Variants in FAT3 observed in about 807,000 individuals in gnomAD.
FAT3 encodes the protein FAT atypical cadherin 3, also known as protocadherin Fat 3.
A neutral mutation model predicts 310.2 loss-of-function variants in FAT3; 95 were observed. That is an observed-to-expected ratio of 0.31 (90% confidence interval 0.26 to 0.36). FAT3 has a LOEUF of 0.36. Ranked by LOEUF, FAT3 falls within the 10% of genes least tolerant of loss-of-function variation. The pLI, the probability that FAT3 is intolerant of heterozygous loss-of-function variation, is 1.00. For missense variants in FAT3, 5,408 were observed against 5,715.6 expected, an observed-to-expected ratio of 0.95 and a Z score of 1.74; for synonymous variants, 2,314 against 2,192.9, an observed-to-expected ratio of 1.06 and a Z score of -1.54.
intron 7 of FAT3, among the ~76,000 whole-genome samples, chr11:92,787,655 G>A (rs1336947012): frequency 2.0e-5 from 3 of 149,578 alleles, no homozygotes; most frequent in Admixed American, 6.7e-5. Flanking sequence ...ATCCAACTAG[G>A]AATAAATTAT....
At chr11:92,389,995 G>C (rs1949711716) in intron 2 of FAT3, among the ~76,000 whole-genome samples, 1 of 151,674 alleles carries the variant, frequency 6.6e-6, no homozygotes, top group Non-Finnish European at 1.5e-5. Flanking sequence ...TAGAAAAGCA[G>C]TGGAAGCAAA....
chr11:92,876,433 C>G (rs898749666), intron 22 of FAT3, among the ~76,000 whole-genome samples: 5 of 152,226 alleles, frequency 3.3e-5, no homozygotes, highest in Non-Finnish European at 7.3e-5. Context: ...TTCAAGCAAG[C>G]ATACCTCAGA....
chr11:92,602,546 CT>C (rs1940080871), intron 3 of FAT3, among the ~76,000 whole-genome samples: 1 of 152,196 alleles, frequency 6.6e-6, no homozygotes, highest in Non-Finnish European at 1.5e-5. Flanking sequence ...ACTTTTGAGT[CT>C]ATGCTACTAA....
chr11:92,542,136 T>G (rs1454967956), intron 3 of FAT3, among the ~76,000 whole-genome samples: 1 of 151,950 alleles, frequency 6.6e-6, no homozygotes, highest in Non-Finnish European at 1.5e-5. Flanking sequence ...AATATCCACA[T>G]GCAAAAGAAT....
intron 1 of FAT3, among the ~76,000 whole-genome samples, chr11:92,246,716 TACCAGGCAGC>T (rs1864927161): frequency 6.6e-6 from 1 of 152,168 alleles, no homozygotes; most frequent in Non-Finnish European, 1.5e-5. Context: ...GTACAAGGCT[TACCAGGCAGC>T]ACCAGGGGCT....
At chr11:92,383,008 G>A (rs1002244026) in intron 2 of FAT3, among the ~76,000 whole-genome samples, 1 of 152,098 alleles carries the variant, frequency 6.6e-6, no homozygotes, top group Admixed American at 6.5e-5. Context: ...CTGCCTACAA[G>A]CCTCAGTGTG....
At chr11:92,464,263 CCA>C (rs1951707196) in intron 2 of FAT3, among the ~76,000 whole-genome samples, 1 of 152,174 alleles carries the variant, frequency 6.6e-6, no homozygotes, top group Middle Eastern at 3.2e-3. Flanking sequence ...TTAGAGCAAA[CCA>C]CAGTGTGCCT....
chr11:92,470,959 A>G (rs983878576), intron 2 of FAT3, among the ~76,000 whole-genome samples: 8 of 152,228 alleles, frequency 5.3e-5, no homozygotes, highest in African/African-American at 1.9e-4. Flanking sequence ...AGCTACATTT[A>G]GTATCATATT....
intron 4 of FAT3, among the ~76,000 whole-genome samples, chr11:92,759,613 G>A (rs941179660): frequency 3.9e-5 from 6 of 152,094 alleles, no homozygotes; most frequent in African/African-American, 1.4e-4. Flanking sequence ...TGAGGGAGCT[G>A]GGTGCTTGCA....
intron 19 of FAT3, 119 bp downstream of exon 19, chr11:92,844,851 CT>C (rs1410501458): frequency 8.2e-7 from 1 of 1,215,576 alleles, no homozygotes; most frequent in Non-Finnish European, 1.1e-6. Context: ...TGATCAATTA[CT>C]GTGTGCCCAA....
intron 4 of FAT3, among the ~76,000 whole-genome samples, chr11:92,724,746 CTG>C (rs1386458159): frequency 1.3e-5 from 2 of 152,170 alleles, no homozygotes; most frequent in African/African-American, 4.8e-5. Flanking sequence ...CTTGCTAAAA[CTG>C]TTTAAATTTT....
At position 92,415,849 on chromosome 11, in the gene FAT3, C is replaced by CTTTT. The variant is rs1196695394; in HGVS notation, c.3292+60466_3292+60469dup. Among the ~76,000 whole-genome samples the CTTTT allele has an allele frequency of 8.5e-3, 598 of 70,398 alleles. 25 individuals are homozygous for CTTTT. The highest frequency in any genetic ancestry group is 0.014 in the African/African-American group (263 of 19,012). 46.2% of individuals were successfully genotyped at this position (70,398 alleles called of 152,430 possible). On this transcript the variant is annotated intron_variant, in intron 2 of 27. Transcript: ENST00000525166. ...CAATCTTTTAGCATAAGCATTTTTGCTTTTTTTTTTTTTTTTTTTTTTTTA... is the reference window on the plus strand; with the variant it reads ...CAATCTTTTAGCATAAGCATTTTTGCTTTTTTTTTTTTTTTTTTTTTTTTTTTTA...
intron 2 of FAT3, among the ~76,000 whole-genome samples, chr11:92,515,184 A>G (rs1953437093): frequency 6.6e-6 from 1 of 152,168 alleles, no homozygotes; most frequent in Non-Finnish European, 1.5e-5. Context: ...AGAACCCACT[A>G]TGAACAGATA....
intron 1 of FAT3, among the ~76,000 whole-genome samples, chr11:92,272,365 C>T (rs754367882): frequency 1.3e-5 from 2 of 152,076 alleles, no homozygotes; most frequent in Non-Finnish European, 2.9e-5. Context: ...ATTCTCATGA[C>T]AGAATTAAAC....
intron 4 of FAT3, among the ~76,000 whole-genome samples, chr11:92,736,007 A>G (rs549324238): frequency 5.9e-5 from 9 of 152,118 alleles, no homozygotes; most frequent in Non-Finnish European, 1.2e-4. Context: ...CAGTGGAAAA[A>G]CCAGCATTCT....
intron 3 of FAT3, among the ~76,000 whole-genome samples, chr11:92,545,140 C>T (rs765739870): frequency 1.3e-5 from 2 of 152,152 alleles, no homozygotes; most frequent in African/African-American, 2.4e-5. Flanking sequence ...GCTGTTCCTG[C>T]TGCCTGAACC....
At chr11:92,711,903 C>G (rs1228965026) in intron 4 of FAT3, among the ~76,000 whole-genome samples, 1 of 152,134 alleles carries the variant, frequency 6.6e-6, no homozygotes, top group Non-Finnish European at 1.5e-5. Context: ...ATTGTAAGCA[C>G]CTTTTCACAA....
intron 13 of FAT3, among the ~76,000 whole-genome samples, chr11:92,829,648 T>C (rs11020069): frequency 0.014 from 2,072 of 152,314 alleles, 52 homozygotes; most frequent in African/African-American, 0.047. Context: ...CCTAAATGTC[T>C]GCTCTGAAGC....
chr11:92,864,835 A>G (rs1949198722), intron 21 of FAT3, among the ~76,000 whole-genome samples: 1 of 152,178 alleles, frequency 6.6e-6, no homozygotes, highest in South Asian at 2.1e-4. Context: ...AAGAAGAAAG[A>G]AAGATTACAC....
Sources: gnomAD v4.1 joint callset for allele counts (sites outside exome capture counted in the v4.1 genomes callset) on GRCh38, gnomAD v4.1.1 for gene constraint, MANE v1.5 for transcripts, NCBI Gene and HGNC (gene_info 2026-07-23, HGNC 2026-07-21) for gene names.